ROBO2: variants seen among roughly 807,000 people sequenced by gnomAD.
The protein encoded by ROBO2 is roundabout guidance receptor 2.
Under a neutral mutation model 160.8 loss-of-function variants are expected in ROBO2, and 53 were observed. The ratio of observed to expected loss-of-function variants is 0.33; its 90% CI spans 0.26 to 0.41. The LOEUF (loss-of-function observed/expected upper bound fraction) is 0.41, where lower values mean the gene tolerates loss of function less well. Ranked by LOEUF, ROBO2 falls within the 10% of genes least tolerant of loss-of-function variation. ROBO2 has a pLI of 1.00. For missense variants in ROBO2, 1,577 were observed against 1,722.4 expected, an observed-to-expected ratio of 0.92 and a Z score of 1.49; for synonymous variants, 664 against 611.7, an observed-to-expected ratio of 1.09 and a Z score of -1.26.
At chr3:76,179,393 T>C (rs940786711) in intron 2 of ROBO2, among the ~76,000 whole-genome samples, 4 of 152,194 alleles carry the variant, frequency 2.6e-5, no homozygotes, top group Admixed American at 6.5e-5. Context: ...GTGTTCCAGA[T>C]GGTTCTATAG....
intron 2 of ROBO2, among the ~76,000 whole-genome samples, chr3:76,684,351 C>T (rs1262177113): frequency 1.3e-5 from 2 of 152,038 alleles, no homozygotes; most frequent in Admixed American, 6.6e-5. Context: ...AACAGTTTGA[C>T]TGTCTAAAGC....
chr3:77,154,832 A>T (rs2077855017), intron 2 of ROBO2, among the ~76,000 whole-genome samples: 1 of 151,990 alleles, frequency 6.6e-6, no homozygotes, highest in African/African-American at 2.4e-5. Flanking sequence ...TCAGGTACAT[A>T]AAGATGGCGA....
Position 77,070,584 on chromosome 3 carries a change from G to A in ROBO2, c.62-27430G>A, listed in dbSNP as rs553866135. Among the ~76,000 whole-genome samples, 4 of 152,224 alleles carry A rather than the reference G, an allele frequency of 2.6e-5. No homozygotes were observed. In the South Asian group the frequency reaches 8.3e-4, roughly 32 times the overall value. On this transcript the variant is annotated intron_variant, in intron 1 of 25. Coordinates refer to ENST00000461745, the Ensembl canonical transcript of ROBO2. Reference sequence around the variant, plus strand: ...TGGATGGGCATGGATTTTGCAGGGGGACACACTATTCAACCCACTATAACT... The same window carrying A: ...TGGATGGGCATGGATTTTGCAGGGGAACACACTATTCAACCCACTATAACT...
chr3:76,472,998 A>G (rs928391628), intron 2 of ROBO2, among the ~76,000 whole-genome samples: 2 of 151,254 alleles, frequency 1.3e-5, no homozygotes, highest in Admixed American at 1.3e-4. Flanking sequence ...TACGCATCCA[A>G]AAATGCAATT....
At chr3:76,793,695 C>A (rs1294210060) in intron 2 of ROBO2, among the ~76,000 whole-genome samples, 1 of 151,702 alleles carries the variant, frequency 6.6e-6, no homozygotes, top group Non-Finnish European at 1.5e-5. Context: ...GTGTACTGCA[C>A]CCATTAACTC....
intron 2 of ROBO2, among the ~76,000 whole-genome samples, chr3:77,127,467 A>T (rs1332592686): frequency 6.6e-6 from 1 of 152,166 alleles, no homozygotes; most frequent in African/African-American, 2.4e-5. Flanking sequence ...ATTTTTCACC[A>T]TGAATTCTAA....
intron 2 of ROBO2, among the ~76,000 whole-genome samples, chr3:76,685,797 A>G (rs1020967914): frequency 2.6e-5 from 4 of 152,188 alleles, no homozygotes; most frequent in Non-Finnish European, 5.9e-5. Context: ...AAGTAAATGA[A>G]TATTAATGTG....
At chr3:77,602,605 T>TA in intron 20 of ROBO2, 114 bp downstream of exon 21, 1 of 1,233,096 alleles carries the variant, frequency 8.1e-7, no homozygotes, top group East Asian at 2.4e-5. Context: ...CTACCTAAAC[T>TA]AAAAAAAGAT....
chr3:76,380,860 T>C lies in ROBO2; in HGVS notation c.109+443258T>C, dbSNP rs541174241. ...AAGGTATGAGATAAAGTATCATTGT[T>C]TGGAATAAGTAATGACCATTTCCAT... On this transcript the variant is annotated intron_variant, in intron 2 of 26. Coordinates refer to the ROBO2 transcript ENST00000487694. Among the ~76,000 whole-genome samples, 4 of 152,214 alleles carry C rather than the reference T, an allele frequency of 2.6e-5. No homozygotes were observed. In the South Asian group the frequency reaches 8.3e-4, roughly 32 times the overall value.
chr3:76,687,599 T>C (rs1174627070), intron 2 of ROBO2, among the ~76,000 whole-genome samples: 1 of 151,998 alleles, frequency 6.6e-6, no homozygotes, highest in African/African-American at 2.4e-5. Flanking sequence ...GGAGACATCC[T>C]TATGTAACAG....
At chr3:77,200,799 G>A (rs1004918154) in intron 2 of ROBO2, among the ~76,000 whole-genome samples, 1 of 152,104 alleles carries the variant, frequency 6.6e-6, no homozygotes, top group African/African-American at 2.4e-5. Flanking sequence ...TAACTGGAGG[G>A]CTGATATGGT....
intron 2 of ROBO2, among the ~76,000 whole-genome samples, chr3:77,162,212 G>A (rs991969018): frequency 6.6e-6 from 1 of 151,890 alleles, no homozygotes; most frequent in African/African-American, 2.4e-5. Flanking sequence ...AAATAAAACA[G>A]CTTAAGAACA....
At chr3:76,024,960 A>ATG (rs1194579339) in intron 2 of ROBO2, among the ~76,000 whole-genome samples, 2 of 150,172 alleles carry the variant, frequency 1.3e-5, no homozygotes, top group African/African-American at 4.9e-5. Flanking sequence ...TATTATATAT[A>ATG]TGTGTGTATA....
At chr3:76,353,276 T>C (rs930400936) in intron 2 of ROBO2, among the ~76,000 whole-genome samples, 1 of 151,986 alleles carries the variant, frequency 6.6e-6, no homozygotes, top group Non-Finnish European at 1.5e-5. Context: ...TCATGCTTTA[T>C]GGTACAATAT....
At chr3:76,747,057 G>C (rs2093905865) in intron 2 of ROBO2, among the ~76,000 whole-genome samples, 2 of 152,072 alleles carry the variant, frequency 1.3e-5, no homozygotes, top group South Asian at 4.1e-4. Context: ...TATCATTGAT[G>C]GGCATTTGGG....
chr3:77,096,913 T>C (rs2071153756), intron 1 of ROBO2, among the ~76,000 whole-genome samples: 3 of 152,248 alleles, frequency 2.0e-5, no homozygotes, highest in Admixed American at 6.5e-5. Context: ...ACCTAAACCA[T>C]CATTTCCCAA....
intron 2 of ROBO2, among the ~76,000 whole-genome samples, chr3:76,838,896 G>A (rs527931813): frequency 3.4e-4 from 52 of 152,142 alleles, no homozygotes; most frequent in African/African-American, 1.3e-3. Flanking sequence ...ATGAGTACAT[G>A]ACATTCAATC....
At chr3:75,958,512 G>C (rs1288107142) in intron 2 of ROBO2, among the ~76,000 whole-genome samples, 2 of 151,732 alleles carry the variant, frequency 1.3e-5, no homozygotes, top group Non-Finnish European at 2.9e-5. Context: ...ATAATAGGGA[G>C]TTAAAGGATA....
chr3:77,251,043 C>G (rs1333607206), intron 2 of ROBO2, among the ~76,000 whole-genome samples: 2 of 152,124 alleles, frequency 1.3e-5, no homozygotes, highest in Non-Finnish European at 2.9e-5. Flanking sequence ...CAGTTGCAAT[C>G]TAGTGGCCCT....
Sources: gnomAD v4.1 joint callset for allele counts (sites outside exome capture counted in the v4.1 genomes callset) on GRCh38, gnomAD v4.1.1 for gene constraint, MANE v1.5 for transcripts, NCBI Gene and HGNC (gene_info 2026-07-23, HGNC 2026-07-21) for gene names.